The following CCDC13 variants were observed in gnomAD, a reference collection of about 807,000 sequenced individuals.
CCDC13 encodes coiled-coil domain containing 13.
In CCDC13, 70 loss-of-function variants were observed where a neutral mutation model predicts 87.3. The observed-to-expected ratio is 0.80, with a 90% CI of 0.66 to 0.98. The LOEUF is 0.98. CCDC13 is among the 50% of genes least tolerant of loss of function. The pLI, the probability that CCDC13 is intolerant of heterozygous loss-of-function variation, is 0.00. For missense variants in CCDC13, 842 were observed against 892.0 expected (o/e 0.94, Z 0.71); for synonymous variants, 317 against 360.3 (o/e 0.88, Z 1.36).
intron 1 of CCDC13, among the ~76,000 whole-genome samples, chr3:42,761,379 T>C (rs1423123129): frequency 2.0e-5 from 3 of 152,156 alleles, no homozygotes; most frequent in African/African-American, 7.2e-5. Flanking sequence ...TCATATCCTA[T>C]TGTAGAAGGC....
chr3:42,721,549 A>G (rs1036495738), intron 13 of CCDC13, among the ~76,000 whole-genome samples: 2 of 152,210 alleles, frequency 1.3e-5, no homozygotes, highest in African/African-American at 4.8e-5. Flanking sequence ...CTTTTCAGCT[A>G]TTTACAGCTT....
chr3:42,769,598 C>T (rs1051745786), intron 1 of CCDC13, among the ~76,000 whole-genome samples: 1 of 152,272 alleles, frequency 6.6e-6, no homozygotes, highest in Admixed American at 6.5e-5. Flanking sequence ...TCGGCCTTGG[C>T]GCCCACTCTG....
Position 42,751,988 on chromosome 3 carries a change from GC to G in CCDC13, c.550del (p.Ala184ProfsTer24). ...TALTRLSAKG[A>X]TDAGAKPPRA... ...CGGTGGCTTGGCTCCTGCGTCGGTG[GC>G]CCCCTTGGCTGACAGCCTGGTCAGG... On this transcript the variant is annotated frameshift_variant, in exon 5 of 16. Transcript: ENST00000310232. LOFTEE classifies it high-confidence loss of function. 2 of 1,609,700 alleles carry G rather than the reference GC, an allele frequency of 1.2e-6. No homozygotes were observed.
At chr3:42,735,641 T>C (rs897230043) in intron 10 of CCDC13, 66 bp downstream of exon 10, 58 of 1,521,140 alleles carry the variant, frequency 3.8e-5, no homozygotes, top group Middle Eastern at 3.6e-4. Context: ...TGGAAAGAAG[T>C]GGAAGGAGCT....
Position 42,733,575 on chromosome 3 carries a change from C to G in CCDC13, c.1406G>C (p.Ser469Thr). The G allele has an allele frequency of 6.2e-7, 1 of 1,612,832 alleles. No individual in the cohort carries two copies. Among genetic ancestry groups the G allele is most frequent in the Non-Finnish European group, 8.5e-7 (1 of 1,179,338 alleles). Residue 469 changes from serine (S) to threonine (T), a missense_variant, in exon 11 of 16, where the codon AGT (serine) becomes ACT (threonine). Physicochemically the swap from Ser to Thr is moderately conservative, Grantham distance 58. Coordinates refer to ENST00000310232, the MANE Select transcript of CCDC13 (RefSeq NM_144719.4). Reference sequence around the variant, plus strand: ...ATAGGCAGGGCTGACCTCGCGGCCACTGGACCCCTCACCCACTCCTTTATT... The same window carrying G: ...ATAGGCAGGGCTGACCTCGCGGCCAGTGGACCCCTCACCCACTCCTTTATT... ...LRNKGVGEGS[S>T]GREVSPAYTQ...
intron 14 of CCDC13, among the ~76,000 whole-genome samples, chr3:42,710,075 CTTTACAAG>C (rs1256891643): frequency 6.6e-6 from 1 of 151,172 alleles, no homozygotes; most frequent in Non-Finnish European, 1.5e-5. Flanking sequence ...CATCTTTATA[CTTTACAAG>C]TTTCTGGTAA....
At chr3:42,760,226 G>A (rs1699799766) in intron 1 of CCDC13, among the ~76,000 whole-genome samples, 1 of 151,972 alleles carries the variant, frequency 6.6e-6, no homozygotes, top group Non-Finnish European at 1.5e-5. Flanking sequence ...AGGAGGCAGA[G>A]GTTGCAGTGA....
At position 42,723,023 on chromosome 3, in the gene CCDC13, T is replaced by A. The variant is rs1698604666; in HGVS notation, c.1718+7444A>T. The stretch of plus-strand genomic sequence containing the variant: ...CCTGTTAGCCAGGATGGTCTCGATC[T>A]CCTGACCTCGTGACCTGCCCATCTC... On this transcript the variant is annotated intron_variant, in intron 13 of 15. Coordinates refer to ENST00000310232, the MANE Select transcript of CCDC13 (RefSeq NM_144719.4). Among the ~76,000 whole-genome samples, 3 of 152,204 alleles carry A rather than the reference T, an allele frequency of 2.0e-5. No individual in the cohort carries two copies. The East Asian group carries it at 5.8e-4, about 29-fold the overall frequency.
intron 13 of CCDC13, among the ~76,000 whole-genome samples, chr3:42,715,200 T>C (rs1403895414): frequency 6.6e-6 from 1 of 151,764 alleles, no homozygotes; most frequent in Admixed American, 6.6e-5. Context: ...TCCCGGCTAT[T>C]TGGGAGGCTG....
chr3:42,759,816 T>C (rs1453188834), intron 1 of CCDC13, among the ~76,000 whole-genome samples: 1 of 152,024 alleles, frequency 6.6e-6, no homozygotes, highest in Non-Finnish European at 1.5e-5. Context: ...GGTAAATACA[T>C]AGAAGTGAAA....
intron 3 of CCDC13, among the ~76,000 whole-genome samples, chr3:42,754,587 A>AAC (rs1699663737): frequency 6.6e-6 from 1 of 152,206 alleles, no homozygotes; most frequent in Non-Finnish European, 1.5e-5. Flanking sequence ...TGCTGAATAC[A>AAC]ACCAAAAGCC....
intron 1 of CCDC13, among the ~76,000 whole-genome samples, chr3:42,771,543 C>T (rs1054948980): frequency 3.9e-5 from 6 of 152,116 alleles, no homozygotes; most frequent in African/African-American, 1.4e-4. Context: ...CCACTTGAGG[C>T]CAGGAGTTTG....
intron 12 of CCDC13, 125 bp from the exon 13 acceptor site, chr3:42,730,714 A>G: frequency 7.6e-7 from 1 of 1,309,584 alleles, no homozygotes; most frequent in East Asian, 2.5e-5. Context: ...CAAAGGAAGC[A>G]AACCCAGTCC....
At chr3:42,736,219 T>C (rs1465211130) in intron 9 of CCDC13, among the ~76,000 whole-genome samples, 1 of 152,174 alleles carries the variant, frequency 6.6e-6, no homozygotes, top group Non-Finnish European at 1.5e-5. Flanking sequence ...GGGGGAGATA[T>C]TTAGCTAAAA....
At chr3:42,715,556 G>A (rs558122417) in intron 13 of CCDC13, among the ~76,000 whole-genome samples, 4 of 152,080 alleles carry the variant, frequency 2.6e-5, no homozygotes, top group Non-Finnish European at 5.9e-5. Flanking sequence ...AGGTTGCAGT[G>A]AGCCGAGATC....
chr3:42,737,864 T>C (rs954817316), intron 9 of CCDC13, among the ~76,000 whole-genome samples: 21 of 152,240 alleles, frequency 1.4e-4, no homozygotes, highest in Admixed American at 2.6e-4. Flanking sequence ...TTAGGTTGCC[T>C]GTTCACTCTG....
rs1183201192 is a variant in CCDC13, at chr3:42,707,356, A to G, written c.*1624T>C. The stretch of plus-strand genomic sequence containing the variant: ...CTCTTCCTTCCCAGAGACCCTTAGG[A>G]CCCCACCAGAATCATCAGTTCATCC... On this transcript the variant is annotated 3_prime_UTR_variant, in exon 16 of 16. Coordinates refer to ENST00000310232, the MANE Select transcript of CCDC13 (RefSeq NM_144719.4). Among the ~76,000 whole-genome samples, 1 of 152,008 alleles carries G rather than the reference A, an allele frequency of 6.6e-6. No individual in the cohort carries two copies. The highest frequency in any genetic ancestry group is 1.5e-5 in the Non-Finnish European group (1 of 67,972).
At chr3:42,730,885 C>T (rs1698813244) in intron 12 of CCDC13, among the ~76,000 whole-genome samples, 1 of 152,120 alleles carries the variant, frequency 6.6e-6, no homozygotes. Context: ...TGGCAGGTGG[C>T]TCTTGGGGAC....
intron 1 of CCDC13, among the ~76,000 whole-genome samples, chr3:42,764,697 C>T (rs983312816): frequency 2.6e-5 from 4 of 152,138 alleles, no homozygotes; most frequent in African/African-American, 9.7e-5. Context: ...TTCAGCCACT[C>T]CTCTACCTGG....
Sources: gnomAD v4.1 joint callset for allele counts (sites outside exome capture counted in the v4.1 genomes callset) on GRCh38, gnomAD v4.1.1 for gene constraint, MANE v1.5 for transcripts, NCBI Gene and HGNC (gene_info 2026-07-23, HGNC 2026-07-21) for gene names.